Variants in ULK4 observed in about 807,000 individuals in gnomAD.
ULK4 encodes unc-51 like kinase 4.
ULK4 carries 133 observed loss-of-function variants against 160.6 expected under a neutral mutation model. That is an observed-to-expected ratio of 0.83 (90% CI 0.72 to 0.96). The LOEUF is 0.96. Among genes scored for constraint, ULK4 ranks in the 40% least tolerant of loss-of-function variants. The pLI, the probability that ULK4 is intolerant of heterozygous loss-of-function variation, is 0.00. For synonymous variants in ULK4, 534 were observed against 539.8 expected (o/e 0.99, Z 0.15); for missense variants, 1,580 against 1,499.5 (o/e 1.05, Z -0.89).
At chr3:41,722,238 A>G (rs1001867621) in intron 22 of ULK4, among the ~76,000 whole-genome samples, 2 of 151,868 alleles carry the variant, frequency 1.3e-5, no homozygotes, top group Non-Finnish European at 2.9e-5. Flanking sequence ...GAAGGCTAAC[A>G]CTCTGTTTTT....
At chr3:41,948,365 C>T (rs1019197172) in intron 2 of ULK4, among the ~76,000 whole-genome samples, 4 of 152,000 alleles carry the variant, frequency 2.6e-5, no homozygotes, top group African/African-American at 4.8e-5. Flanking sequence ...GCAGGAGAAT[C>T]GCTTGAACAG....
chr3:41,531,162 G>C (rs1246650549), intron 32 of ULK4, among the ~76,000 whole-genome samples: 2 of 149,958 alleles, frequency 1.3e-5, no homozygotes, highest in African/African-American at 4.9e-5. Context: ...TATGTTTTGG[G>C]CCGGGCGCGG....
chr3:41,425,008 G>A (rs754958301), intron 34 of ULK4, among the ~76,000 whole-genome samples: 2 of 152,138 alleles, frequency 1.3e-5, no homozygotes, highest in African/African-American at 2.4e-5. Flanking sequence ...TGAGCTAAAG[G>A]AGCATGTTGT....
intron 20 of ULK4, among the ~76,000 whole-genome samples, chr3:41,793,725 C>A (rs2040216107): frequency 6.6e-6 from 1 of 152,212 alleles, no homozygotes; most frequent in Non-Finnish European, 1.5e-5. Context: ...CTCAATCTAA[C>A]TCTACAGGTT....
At chr3:41,635,524 A>G (rs1270045510) in intron 30 of ULK4, among the ~76,000 whole-genome samples, 1 of 152,208 alleles carries the variant, frequency 6.6e-6, no homozygotes, top group Non-Finnish European at 1.5e-5. Context: ...ACTATTCCAA[A>G]CAAATCAATG....
intron 27 of ULK4, among the ~76,000 whole-genome samples, chr3:41,695,458 T>C (rs1160967747): frequency 6.6e-6 from 1 of 151,842 alleles, no homozygotes; most frequent in Non-Finnish European, 1.5e-5. Context: ...AGTAACAAAC[T>C]GAGGAAAAAA....
At chr3:41,758,765 C>T (rs1321403526) in intron 21 of ULK4, among the ~76,000 whole-genome samples, 3 of 151,406 alleles carry the variant, frequency 2.0e-5, no homozygotes, top group African/African-American at 7.3e-5. Context: ...CCCAGCTACT[C>T]GGGAGGCTGA....
At chr3:41,908,131 G>A (rs1698644789) in intron 11 of ULK4, among the ~76,000 whole-genome samples, 190 bp from the exon 12 acceptor site, 1 of 152,084 alleles carries the variant, frequency 6.6e-6, no homozygotes, top group African/African-American at 2.4e-5. Flanking sequence ...CCTGGCTAAT[G>A]TATTATTTCT....
At chr3:41,869,634 T>C (rs1697020554) in intron 17 of ULK4, among the ~76,000 whole-genome samples, 1 of 152,092 alleles carries the variant, frequency 6.6e-6, no homozygotes, top group Non-Finnish European at 1.5e-5. Context: ...ACATAAAATA[T>C]AGGGATACAA....
intron 25 of ULK4, among the ~76,000 whole-genome samples, chr3:41,706,910 G>GAA (rs2036921696): frequency 6.7e-6 from 1 of 148,506 alleles, no homozygotes; most frequent in Non-Finnish European, 1.5e-5. Context: ...TAGAGAGAGA[G>GAA]AGAGAATAGA....
At chr3:41,279,530 G>A (rs1426622803) in intron 35 of ULK4, among the ~76,000 whole-genome samples, 3 of 151,012 alleles carry the variant, frequency 2.0e-5, no homozygotes, top group Non-Finnish European at 4.4e-5. Flanking sequence ...AGGTTGAAAT[G>A]AAGGAAAAAA....
chr3:41,725,979 CAG>C (rs1371189096), intron 22 of ULK4, among the ~76,000 whole-genome samples: 3 of 152,070 alleles, frequency 2.0e-5, no homozygotes, highest in African/African-American at 7.2e-5. Context: ...AAACAGAAAA[CAG>C]AGAAAATAGA....
intron 30 of ULK4, among the ~76,000 whole-genome samples, chr3:41,645,323 G>A (rs2034433226): frequency 6.6e-6 from 1 of 151,408 alleles, no homozygotes; most frequent in Admixed American, 6.6e-5. Context: ...TTCTCTTGTG[G>A]GCATTTATTA....
At chr3:41,317,001 A>G (rs2080154309) in intron 35 of ULK4, among the ~76,000 whole-genome samples, 5 of 148,736 alleles carry the variant, frequency 3.4e-5, no homozygotes, top group Admixed American at 3.4e-4. Flanking sequence ...AAACATTAGG[A>G]CTCTCTTTAT....
intron 34 of ULK4, among the ~76,000 whole-genome samples, chr3:41,413,212 C>T (rs1220043294): frequency 6.6e-6 from 1 of 152,168 alleles, no homozygotes; most frequent in East Asian, 1.9e-4. Flanking sequence ...ATGGGGGAAA[C>T]TGCCCCCATG....
chr3:41,735,355 T>C (rs751965783), intron 22 of ULK4, among the ~76,000 whole-genome samples: 10 of 152,116 alleles, frequency 6.6e-5, no homozygotes, highest in Non-Finnish European at 1.0e-4. Context: ...ATATAGGTTT[T>C]AAAAATAAAG....
At chr3:41,773,370 A>G (rs2039478613) in intron 21 of ULK4, among the ~76,000 whole-genome samples, 1 of 152,240 alleles carries the variant, frequency 6.6e-6, no homozygotes, top group Admixed American at 6.5e-5. Context: ...AACTTCAGCA[A>G]AGTCTCAGGA....
Position 41,691,139 on chromosome 3 carries a change from T to C in ULK4, c.2782-9335A>G, listed in dbSNP as rs1270332978. On this transcript the variant is annotated intron_variant, in intron 27 of 36. Coordinates refer to ENST00000301831, the MANE Select transcript of ULK4 (RefSeq NM_017886.4). ...AGAGGCAAAATGGCAGAGTTTGGTA[T>C]ATGACCTTCTAGGAACATTCTAGTG... 1.3e-5 allele frequency among the ~76,000 whole-genome samples: 2 copies of C among 151,922 alleles called. 1 individual carries two copies. The highest frequency in any genetic ancestry group is 2.9e-5 in the Non-Finnish European group (2 of 67,942).
At chr3:41,871,689 T>A (rs1697099570) in intron 17 of ULK4, among the ~76,000 whole-genome samples, 1 of 152,236 alleles carries the variant, frequency 6.6e-6, no homozygotes, top group African/African-American at 2.4e-5. Flanking sequence ...TCTAATCGAA[T>A]ATTTTTTGCT....
Sources: gnomAD v4.1 joint callset for allele counts (sites outside exome capture counted in the v4.1 genomes callset) on GRCh38, gnomAD v4.1.1 for gene constraint, MANE v1.5 for transcripts, NCBI Gene and HGNC (gene_info 2026-07-23, HGNC 2026-07-21) for gene names.